The following SYTL2 variants were observed in gnomAD, a reference collection of about 807,000 sequenced individuals.
SYTL2 encodes the protein synaptotagmin-like protein 2.
A neutral mutation model predicts 198.7 loss-of-function variants in SYTL2; 165 were observed. The ratio of observed to expected loss-of-function variants is 0.83; its 90% CI spans 0.73 to 0.94. The LOEUF is 0.94. Among genes scored for constraint, SYTL2 ranks in the 40% least tolerant of loss-of-function variants. The pLI, the probability that SYTL2 is intolerant of heterozygous loss-of-function variation, is 0.00. For synonymous variants in SYTL2, 966 were observed against 917.7 expected (o/e 1.05, Z -0.95); for missense variants, 2,835 against 2,582.8 (o/e 1.10, Z -2.12).
intron 1 of SYTL2, among the ~76,000 whole-genome samples, chr11:85,772,943 G>T (rs1175712653): frequency 6.6e-6 from 1 of 152,126 alleles, no homozygotes; most frequent in Admixed American, 6.5e-5. Flanking sequence ...GGGGTCATTA[G>T]CCCAAACCAT....
intron 9 of SYTL2, chr11:85,719,408 T>G (rs1461605738): frequency 9.2e-6 from 8 of 872,018 alleles, no homozygotes; most frequent in Non-Finnish European, 1.2e-5. Flanking sequence ...GATTTTTTTT[T>G]AACCCTATAC....
chr11:85,729,970 T>C (rs1217821614), intron 7 of SYTL2, among the ~76,000 whole-genome samples: 1 of 152,162 alleles, frequency 6.6e-6, no homozygotes, highest in Non-Finnish European at 1.5e-5. Flanking sequence ...AACACTTCTA[T>C]GCAAACAAAC....
intron 1 of SYTL2, among the ~76,000 whole-genome samples, chr11:85,797,847 G>T (rs1355786753): frequency 6.6e-6 from 1 of 151,522 alleles, no homozygotes; most frequent in Non-Finnish European, 1.5e-5. Context: ...TTTTGTTGTT[G>T]TTGTTGTTGT....
intron 18 of SYTL2, 97 bp from the exon 19 acceptor site, chr11:85,696,485 G>T: frequency 1.9e-6 from 2 of 1,031,450 alleles, no homozygotes; most frequent in Non-Finnish European, 3.0e-6. Context: ...ATTGACAATG[G>T]AGGAAAAGAT....
At chr11:85,764,872 C>A (rs2092197855) in intron 1 of SYTL2, among the ~76,000 whole-genome samples, 1 of 152,220 alleles carries the variant, frequency 6.6e-6, no homozygotes. Context: ...GAAACTATTA[C>A]TGAAAGAACC....
chr11:85,814,362 G>T (rs1247296725), upstream of SYTL2, among the ~76,000 whole-genome samples: 1 of 152,214 alleles, frequency 6.6e-6, no homozygotes, highest in Admixed American at 6.5e-5. Flanking sequence ...ATATTGGAAA[G>T]GGGAAATGTA....
chr11:85,817,653 G>A, the SYTL2 span, among the ~76,000 whole-genome samples: 3 of 152,132 alleles, frequency 2.0e-5, no homozygotes, highest in African/African-American at 7.2e-5. Flanking sequence ...GAGGCAGTCA[G>A]CTCTATTTCT....
At chr11:85,753,729 C>A (rs2091687129) in intron 2 of SYTL2, among the ~76,000 whole-genome samples, 1 of 143,302 alleles carries the variant, frequency 7.0e-6, no homozygotes, top group Non-Finnish European at 1.5e-5. Flanking sequence ...TGCCTCACTG[C>A]ACTCCAGCCT....
At chr11:85,729,366 A>G (rs2089571379) in intron 7 of SYTL2, among the ~76,000 whole-genome samples, 1 of 152,192 alleles carries the variant, frequency 6.6e-6, no homozygotes, top group Non-Finnish European at 1.5e-5. Flanking sequence ...CAAATGCAAA[A>G]GAATAGAAAT....
chr11:85,783,301 G>T lies in SYTL2; in HGVS notation c.-389-25187C>A, dbSNP rs2092590181. Among the ~76,000 whole-genome samples, 4 of 152,196 alleles carry T rather than the reference G, an allele frequency of 2.6e-5. No homozygotes were observed. The South Asian group carries it at 8.3e-4, about 32-fold the overall frequency. On this transcript the variant is annotated intron_variant, in intron 1 of 19. Coordinates refer to ENST00000359152, the MANE Select transcript of SYTL2 (RefSeq NM_206927.4). Reference sequence around the variant, plus strand: ...CTTATAAAGCCATCAGATCTCGTGAGAACTCACTCACTATCACTAGAATAG... The same window carrying T: ...CTTATAAAGCCATCAGATCTCGTGATAACTCACTCACTATCACTAGAATAG...
the SYTL2 span, among the ~76,000 whole-genome samples, chr11:85,850,071 C>A: frequency 1.4e-5 from 2 of 146,250 alleles, no homozygotes; most frequent in African/African-American, 5.1e-5. Flanking sequence ...AGTTCACTCA[C>A]GATTTGGCTC....
intron 1 of SYTL2, among the ~76,000 whole-genome samples, chr11:85,766,304 C>A (rs895577846): frequency 2.0e-5 from 3 of 151,968 alleles, no homozygotes; most frequent in Non-Finnish European, 4.4e-5. Context: ...GATCAGCATT[C>A]TAAGAAAGAA....
intron 1 of SYTL2, among the ~76,000 whole-genome samples, chr11:85,792,936 T>C (rs2092751914): frequency 6.6e-6 from 1 of 151,782 alleles, no homozygotes; most frequent in Non-Finnish European, 1.5e-5. Flanking sequence ...ATTTCATCCA[T>C]GTCCCTACAA....
At position 85,727,187 on chromosome 11, in the gene SYTL2, C is replaced by T. The variant is rs1037072741; in HGVS notation, c.2171G>A (p.Gly724Asp). 8 of 1,536,504 alleles carry T rather than the reference C, an allele frequency of 5.2e-6. No individual in the cohort carries two copies. The Admixed American group carries it at 1.2e-4, about 23-fold the overall frequency. ...CTCTGCATTCATGTTATCTTTCAAA[C>T]CTGGTTCTTTGACAACTGTTGAAGA... ...FDSSTVVKEP[G>D]LKDNMNAERK... The change falls in exon 8 of 20, where the codon GGT (glycine) becomes GAT (aspartate). Residue 724 changes from glycine (G) to aspartate (D), a missense_variant. Physicochemically the swap from Gly to Asp is moderately conservative, Grantham distance 94 (BLOSUM62 -1). Transcript: ENST00000359152.
At chr11:85,717,255 AT>A (rs1192267357) in intron 11 of SYTL2, 1 of 307,122 alleles carries the variant, frequency 3.3e-6, no homozygotes, top group East Asian at 6.8e-5. Flanking sequence ...ATATATATAT[AT>A]ATTTAATATA....
At chr11:85,703,994 A>G (rs2084745002) in intron 16 of SYTL2, among the ~76,000 whole-genome samples, 1 of 152,138 alleles carries the variant, frequency 6.6e-6, no homozygotes, top group Admixed American at 6.5e-5. Context: ...ATCCCAAAGG[A>G]GGCAATTACG....
At chr11:85,779,967 A>G (rs963307713) in intron 1 of SYTL2, among the ~76,000 whole-genome samples, 5 of 152,196 alleles carry the variant, frequency 3.3e-5, no homozygotes, top group Non-Finnish European at 7.3e-5. Context: ...CAAGTCACTT[A>G]ACCTTCTGAA....
At chr11:85,798,576 C>A (rs903077132) in intron 1 of SYTL2, among the ~76,000 whole-genome samples, 5 of 152,220 alleles carry the variant, frequency 3.3e-5, no homozygotes, top group Admixed American at 1.3e-4. Context: ...AACAGGACAA[C>A]ATACAGTCAT....
chr11:85,710,305 A>G (rs1349676848), intron 13 of SYTL2, among the ~76,000 whole-genome samples: 4 of 152,226 alleles, frequency 2.6e-5, no homozygotes, highest in Non-Finnish European at 5.9e-5. Flanking sequence ...TAGAAAATGG[A>G]TGATTGATGA....
Sources: allele counts gnomAD v4.1 joint callset (sites outside exome capture counted in the v4.1 genomes callset), GRCh38; gene constraint gnomAD v4.1.1; transcripts MANE v1.5; gene names NCBI Gene and HGNC (gene_info 2026-07-23, HGNC 2026-07-21).